The following GLYATL3 variants were observed in gnomAD, a reference collection of about 807,000 sequenced individuals.
GLYATL3 encodes glycine-N-acyltransferase like 3, also known as glycine N-acyltransferase-like protein 3.
A neutral mutation model predicts 28.5 loss-of-function variants in GLYATL3; 31 were observed. That is an observed-to-expected ratio of 1.09 (90% CI 0.82 to 1.47). The LOEUF (loss-of-function observed/expected upper bound fraction) is 1.47. Among genes scored for constraint, GLYATL3 ranks in the 40% most tolerant of loss-of-function variants. GLYATL3 has a pLI of 0.00. For synonymous variants in GLYATL3, 141 were observed against 140.2 expected (o/e 1.01, Z -0.04); for missense variants, 369 against 351.5 (o/e 1.05, Z -0.40).
chr6:49,527,038 A>AAT lies in GLYATL3; in HGVS notation c.*130_*131dup, dbSNP rs1295284400. On this transcript the variant is annotated 3_prime_UTR_variant, in exon 6 of 6. Coordinates refer to ENST00000371197, the MANE Select transcript of GLYATL3 (RefSeq NM_001010904.2). ...TTGAGTTGTTGGAAAGGGTCTGGAG[A>AAT]ATATATACAGGATCCACTTGAGAAG... The AAT allele has an allele frequency of 1.4e-6, 1 of 721,658 alleles. No homozygotes were observed. The highest frequency in any genetic ancestry group is 2.7e-5 in the East Asian group (1 of 36,584). 44.7% of individuals were successfully genotyped at this position (721,658 alleles called of 1,614,324 possible).
At chr6:49,511,553 T>A (rs983756311) in intron 1 of GLYATL3, among the ~76,000 whole-genome samples, 1 of 152,200 alleles carries the variant, frequency 6.6e-6, no homozygotes. Context: ...GTGTGCCAGG[T>A]CCTTTGGCAG....
rs191943036 is a variant in GLYATL3 at position 49,508,076 on chromosome 6, C to A, written c.-28-3887C>A. On this transcript the variant is annotated intron_variant, in intron 1 of 5. Coordinates refer to ENST00000371197, the MANE Select transcript of GLYATL3 (RefSeq NM_001010904.2). ...CACAGGGAGGCTGAGGCGGGTGGAT[C>A]GCAAGGTCAGGAGATCAAGACCATC... Among the ~76,000 whole-genome samples the A allele has an allele frequency of 3.9e-3, 594 of 152,060 alleles. 7 individuals carry two copies. Among genetic ancestry groups the A allele is most frequent in the African/African-American group, 0.013 (557 of 41,468 alleles).
At position 49,515,685 on chromosome 6, in the gene GLYATL3, G is replaced by T. The variant is rs866032220; in HGVS notation, c.111G>T (p.Gly37=). 6.4e-7 allele frequency: 1 copy of T among 1,551,004 alleles called. No homozygotes were observed. The highest frequency in any genetic ancestry group is 8.7e-7 in the Non-Finnish European group (1 of 1,146,398). Residue 37 remains glycine, a synonymous_variant, in exon 3 of 6, where the codon GGG becomes GGT. Coordinates refer to ENST00000371197, the MANE Select transcript of GLYATL3 (RefSeq NM_001010904.2). ...VYGAVMNINR[G]NPFQKEVVLD... The stretch of plus-strand genomic sequence containing the variant: ...GAGCGGTGATGAACATAAATCGTGG[G>T]AACCCCTTTCAAAAGGAAGTGGTGT...
chr6:49,526,604 C>A lies in GLYATL3; in HGVS notation c.557C>A (p.Ser186Tyr). ...QCLRYIANLISCFPSVCVRDE... is the reference protein window; with the variant it reads ...QCLRYIANLIYCFPSVCVRDE... ...CTCCGGTACATCGCCAACCTCATCT[C>A]CTGCTTCCCTAGTGTGTGTGTCCGG... is the stretch of plus-strand genomic sequence containing the variant. Residue 186 changes from serine to tyrosine, a missense_variant, in exon 6 of 6, where the codon TCC (serine) becomes TAC (tyrosine). Ser to Tyr is a moderately radical substitution (Grantham distance 144, BLOSUM62 -2). Transcript: ENST00000371197. 1 of 1,552,006 alleles carries A rather than the reference C, an allele frequency of 6.4e-7. No individual in the cohort carries two copies. The highest frequency in any genetic ancestry group is 8.7e-7 in the Non-Finnish European group (1 of 1,147,056).
intron 2 of GLYATL3, among the ~76,000 whole-genome samples, chr6:49,513,897 G>A (rs945160037): frequency 2.0e-5 from 3 of 152,156 alleles, no homozygotes; most frequent in Non-Finnish European, 4.4e-5. Context: ...TTGAGCCCAG[G>A]AGTTCAAGGC....
intron 4 of GLYATL3, among the ~76,000 whole-genome samples, chr6:49,518,257 A>G (rs182511894): frequency 5.3e-5 from 8 of 152,264 alleles, no homozygotes; most frequent in African/African-American, 1.9e-4. Flanking sequence ...TTTTATACAG[A>G]AAGAGTTTAT....
In GLYATL3 at chr6:49,526,816, A is replaced by C. The variant is rs1408075068; in HGVS notation, c.769A>C (p.Ile257Leu). Residue 257 changes from isoleucine (I) to leucine (L), a missense_variant, in exon 6 of 6, where the codon ATA (isoleucine) becomes CTA (leucine). By Grantham distance (5) the Ile-to-Leu change is conservative. Coordinates refer to ENST00000371197, the MANE Select transcript of GLYATL3 (RefSeq NM_001010904.2). Reference sequence around the variant, plus strand: ...CGTCCTGGATGACAACACGGCGTCTATAAGCCTCCTGAAGAGTCTCCATGC... The same window carrying C: ...CGTCCTGGATGACAACACGGCGTCTCTAAGCCTCCTGAAGAGTCTCCATGC... ...GNVLDDNTAS[I>L]SLLKSLHAEF... 1.2e-5 allele frequency: 18 copies of C among 1,552,048 alleles called. No individual in the cohort carries two copies. The Admixed American group carries it at 3.3e-4, about 29-fold the overall frequency.
intron 1 of GLYATL3, among the ~76,000 whole-genome samples, chr6:49,511,545 G>A (rs951048778): frequency 2.0e-5 from 3 of 152,170 alleles, no homozygotes; most frequent in African/African-American, 7.2e-5. Flanking sequence ...TCCCTACTGT[G>A]TGCCAGGTCC....
intron 2 of GLYATL3, among the ~76,000 whole-genome samples, chr6:49,515,149 T>C (rs1328086102): frequency 6.6e-6 from 1 of 152,146 alleles, no homozygotes; most frequent in African/African-American, 2.4e-5. Flanking sequence ...TTAATTTGAG[T>C]TGGTGTCACC....
At chr6:49,518,890 G>C (rs908328258) in intron 4 of GLYATL3, among the ~76,000 whole-genome samples, 3 of 151,856 alleles carry the variant, frequency 2.0e-5, no homozygotes, top group Non-Finnish European at 4.4e-5. Context: ...GCAGTGAGCC[G>C]AGATCGCGCC....
intron 5 of GLYATL3, among the ~76,000 whole-genome samples, chr6:49,524,797 T>A (rs1046958327): frequency 2.6e-5 from 4 of 151,646 alleles, no homozygotes; most frequent in African/African-American, 9.7e-5. Flanking sequence ...CTGGCCAACA[T>A]GGCAAAACTC....
At chr6:49,508,038 T>C (rs1581866239) in intron 1 of GLYATL3, among the ~76,000 whole-genome samples, 1 of 152,210 alleles carries the variant, frequency 6.6e-6, no homozygotes, top group Non-Finnish European at 1.5e-5. Flanking sequence ...CTAACAGAGC[T>C]TTAAAACAGA....
rs142676327 is a variant in GLYATL3, at chr6:49,512,628, A to G, written c.78+560A>G. Among the ~76,000 whole-genome samples the G allele has an allele frequency of 1.7e-4, 26 of 152,312 alleles. No individual in the cohort carries two copies. The East Asian group carries it at 4.6e-3, about 27-fold the overall frequency. On this transcript the variant is annotated intron_variant, in intron 2 of 5. Transcript: ENST00000371197. ...AACATAATCTAGTTAAAATAATAAAACTGAGGTTTAGATCTTGTTATAAAT... is the reference window on the plus strand; with the variant it reads ...AACATAATCTAGTTAAAATAATAAAGCTGAGGTTTAGATCTTGTTATAAAT...
At chr6:49,505,958 C>T (rs1769004205) in intron 1 of GLYATL3, among the ~76,000 whole-genome samples, 1 of 152,138 alleles carries the variant, frequency 6.6e-6, no homozygotes, top group South Asian at 2.1e-4. Context: ...AAAGACAACT[C>T]TTGTTTTGCT....
chr6:49,504,418 G>T (rs928534911), intron 1 of GLYATL3, among the ~76,000 whole-genome samples: 1 of 151,860 alleles, frequency 6.6e-6, no homozygotes, highest in Admixed American at 6.6e-5. Flanking sequence ...TCTACCCCAC[G>T]TTAAAATAGA....
At position 49,526,912 on chromosome 6, in the gene GLYATL3, T is replaced by G; in HGVS notation, c.865T>G (p.Ter289GluextTer13). 6.6e-7 allele frequency: 1 copy of G among 1,504,968 alleles called. No homozygotes were observed. The highest frequency in any genetic ancestry group is 8.9e-7 in the Non-Finnish European group (1 of 1,124,172). The allele number at this position is 1,504,968 out of a possible 1,614,324, so 93.2% of individuals were successfully genotyped here. The change falls in exon 6 of 6, where the codon TAG becomes GAG. Residue 289 changes from the stop codon to glutamate, a stop_lost. Coordinates refer to ENST00000371197, the MANE Select transcript of GLYATL3 (RefSeq NM_001010904.2). The part of the protein sequence containing the change: ...PATFSGLPHL[*>E] The stretch of plus-strand genomic sequence containing the variant: ...GACTTTCTCTGGCCTGCCTCACCTC[T>G]AGCCCAGTAAAAAACTGCAGTGGTT...
At chr6:49,504,377 G>C (rs1337227985) in intron 1 of GLYATL3, among the ~76,000 whole-genome samples, 1 of 151,810 alleles carries the variant, frequency 6.6e-6, no homozygotes, top group Non-Finnish European at 1.5e-5. Flanking sequence ...ACAGGAGATT[G>C]ATATTCACCT....
intron 5 of GLYATL3, among the ~76,000 whole-genome samples, chr6:49,525,093 A>ATTTT (rs10630585): frequency 0.011 from 1,498 of 141,346 alleles, 32 homozygotes; most frequent in African/African-American, 0.029. Context: ...ATTCTAAAAC[A>ATTTT]TTTTTTTTTT....
chr6:49,508,497 C>T (rs983334184), intron 1 of GLYATL3, among the ~76,000 whole-genome samples: 3 of 152,160 alleles, frequency 2.0e-5, no homozygotes, highest in Non-Finnish European at 2.9e-5. Flanking sequence ...CCTAAAGAGG[C>T]CTAGAAGAGC....
Sources: gnomAD v4.1 joint callset for allele counts (sites outside exome capture counted in the v4.1 genomes callset) on GRCh38, gnomAD v4.1.1 for gene constraint, MANE v1.5 for transcripts, NCBI Gene and HGNC (gene_info 2026-07-23, HGNC 2026-07-21) for gene names.